Variants in KIAA1671 observed in about 807,000 individuals in gnomAD.
The protein encoded by KIAA1671 is KIAA1671.
In KIAA1671, 52 loss-of-function variants were observed where a neutral mutation model predicts 131.2. That is an observed-to-expected ratio of 0.40 (90% confidence interval 0.32 to 0.50). The LOEUF (loss-of-function observed/expected upper bound fraction) is 0.50. Ranked by LOEUF, KIAA1671 falls within the 20% of genes least tolerant of loss-of-function variation. The probability of loss-of-function intolerance (pLI) is 0.73; values close to 1 mark genes in which losing one functional copy is unlikely to be tolerated. For missense variants in KIAA1671, 2,360 were observed against 2,364.2 expected, an observed-to-expected ratio of 1.00 and a Z score of 0.04; for synonymous variants, 1,003 against 961.6, an observed-to-expected ratio of 1.04 and a Z score of -0.80.
At chr22:25,083,247 C>A (rs764198717) in intron 6 of KIAA1671, among the ~76,000 whole-genome samples, 1 of 152,190 alleles carries the variant, frequency 6.6e-6, no homozygotes, top group African/African-American at 2.4e-5. Context: ...ACACCATCTT[C>A]CCTCTGCGTG....
At chr22:25,041,640 G>T in intron 5 of KIAA1671, 115 bp downstream of exon 5, 2 of 1,110,150 alleles carry the variant, frequency 1.8e-6, no homozygotes, top group Middle Eastern at 2.2e-4. Context: ...GTGGAGTCAG[G>T]CTGGGTATGA....
At position 25,041,386 on chromosome 22, in the gene KIAA1671, G is replaced by A. The variant is rs1301717506; in HGVS notation, c.4256G>A (p.Arg1419Gln). 9 of 1,551,748 alleles carry A rather than the reference G, an allele frequency of 5.8e-6. No homozygotes were observed. Among genetic ancestry groups the A allele is most frequent in the Non-Finnish European group, 7.8e-6 (9 of 1,147,006 alleles). The change falls in exon 5 of 13, where the codon CGA becomes CAA. Residue 1419 changes from arginine (R) to glutamine (Q), a missense_variant. By Grantham distance (43) the Arg-to-Gln change is conservative (BLOSUM62 1). This residue lies in a region of KIAA1671 where 1,161 missense variants were observed against 1,204.7 expected (regional missense o/e 0.96). Transcript: ENST00000358431. ...GAGAAGGGGCCCCCTGCCAACATCCGAGAGGGCCTGTCCATCATGCATGAA... is the reference window on the plus strand; with the variant it reads ...GAGAAGGGGCCCCCTGCCAACATCCAAGAGGGCCTGTCCATCATGCATGAA... ...YSEKGPPANIREGLSIMHEAR... is the reference protein window; with the variant it reads ...YSEKGPPANIQEGLSIMHEAR...
chr22:25,129,584 T>C lies in KIAA1671; in HGVS notation c.4531-41236T>C, dbSNP rs999693383. Reference sequence around the variant, plus strand: ...CACAGCTTTTCCCAGCTTTGCAATCTACCAGCATGTGACTTAAGCAGCTTG... The same window carrying C: ...CACAGCTTTTCCCAGCTTTGCAATCCACCAGCATGTGACTTAAGCAGCTTG... On this transcript the variant is annotated intron_variant, in intron 6 of 12. Coordinates refer to ENST00000358431, the MANE Select transcript of KIAA1671 (RefSeq NM_001145206.2). Among the ~76,000 whole-genome samples the C allele has an allele frequency of 1.4e-4, 22 of 151,742 alleles. 2 individuals carry two copies. The highest frequency in any genetic ancestry group is 2.9e-5 in the Non-Finnish European group (2 of 67,912).
intron 7 of KIAA1671, among the ~76,000 whole-genome samples, chr22:25,173,745 C>G (rs568972535): frequency 7.9e-5 from 12 of 152,302 alleles, no homozygotes; most frequent in African/African-American, 2.6e-4. Context: ...TGTATTTTAT[C>G]AGAACCAAGG....
rs1934442601 is a variant in KIAA1671 at position 25,185,386 on chromosome 22, C to G, written c.5342+267C>G. 7.1e-6 allele frequency: 3 copies of G among 422,990 alleles called. No homozygotes were observed. In the South Asian group the frequency reaches 1.6e-4, roughly 23 times the overall value. 26.2% of individuals were successfully genotyped at this position (422,990 alleles called of 1,614,324 possible). ...ACCTGCTACATGGAACGCCAGGGCA[C>G]CATTGCTGGAGAACTACTGATCTAG... is the stretch of plus-strand genomic sequence containing the variant. On this transcript the variant is annotated intron_variant, in intron 11 of 12. Coordinates refer to ENST00000358431, the MANE Select transcript of KIAA1671 (RefSeq NM_001145206.2).
rs541444993 is a variant in KIAA1671, at chr22:25,036,536, G to A, written c.1630-2224G>A. 2.4e-4 allele frequency among the ~76,000 whole-genome samples: 37 copies of A among 152,254 alleles called. No homozygotes were observed. In the South Asian group the frequency reaches 7.2e-3, roughly 30 times the overall value. ...TATATATATAAATAATACAAAGAGA[G>A]TTCTGAAAGGCTCTTCAAGGATCAT... On this transcript the variant is annotated intron_variant, in intron 4 of 12. Coordinates refer to ENST00000358431, the MANE Select transcript of KIAA1671 (RefSeq NM_001145206.2).
At chr22:25,154,075 A>C (rs1568983428) in intron 6 of KIAA1671, among the ~76,000 whole-genome samples, 1 of 152,212 alleles carries the variant, frequency 6.6e-6, no homozygotes, top group Non-Finnish European at 1.5e-5. Flanking sequence ...CTTCTCAGTC[A>C]GCCAAGTAAG....
chr22:24,994,097 A>T (rs1435625119), intron 1 of KIAA1671, among the ~76,000 whole-genome samples: 1 of 152,164 alleles, frequency 6.6e-6, no homozygotes, highest in Non-Finnish European at 1.5e-5. Flanking sequence ...GAGAAAAAAA[A>T]AAATTCAGCA....
intron 6 of KIAA1671, chr22:25,052,272 T>A (rs1304767667): frequency 2.0e-5 from 3 of 152,322 alleles, no homozygotes; most frequent in Non-Finnish European, 4.4e-5. Flanking sequence ...GCTGCTGTGC[T>A]GCTGCTGTCT....
At position 25,040,303 on chromosome 22, in the gene KIAA1671, T is replaced by C; in HGVS notation, c.3173T>C (p.Ile1058Thr). Residue 1058 changes from isoleucine (I) to threonine (T), a missense_variant, in exon 5 of 13, where the codon ATC becomes ACC. Around this residue, in one of 3 missense-constraint regions of KIAA1671, gnomAD observed 1,161 missense variants for 1,204.7 expected, o/e 0.96. Coordinates refer to ENST00000358431, the MANE Select transcript of KIAA1671 (RefSeq NM_001145206.2). ...AESLLEHSRK[I>T]TPPSSPHSLT... ...AGCTTGCTGGAACATTCTAGAAAAA[T>C]CACTCCACCCTCGTCTCCTCATTCT... is the stretch of plus-strand genomic sequence containing the variant. 1 of 1,551,666 alleles carries C rather than the reference T, an allele frequency of 6.4e-7. No homozygotes were observed. Among genetic ancestry groups the C allele is most frequent in the East Asian group, 2.4e-5 (1 of 40,920 alleles).
At chr22:25,070,258 T>G (rs1928744953) in intron 6 of KIAA1671, 2 of 410,360 alleles carry the variant, frequency 4.9e-6, no homozygotes, top group African/African-American at 4.1e-5. Context: ...GAATGATTTA[T>G]GCCGCCTTGA....
chr22:25,008,694 G>A lies in KIAA1671; in HGVS notation c.-207-16939G>A, dbSNP rs1187462423. Among the ~76,000 whole-genome samples, 5 of 152,196 alleles carry A rather than the reference G, an allele frequency of 3.3e-5. No individual in the cohort carries two copies. The East Asian group carries it at 5.8e-4, about 18-fold the overall frequency. ...GGTTGAATGGGGAGATTCATTTAAC[G>A]TGCTGTCTGGCACAAAATCATTGTT... On this transcript the variant is annotated intron_variant, in intron 1 of 12. Transcript: ENST00000358431.
intron 6 of KIAA1671, among the ~76,000 whole-genome samples, chr22:25,116,403 GTATGTATGTATGTAT>G (rs1381377383): frequency 3.4e-4 from 51 of 148,096 alleles, no homozygotes; most frequent in Non-Finnish European, 6.2e-4. Flanking sequence ...ATGTATGTAT[GTATGTATGTATGTAT>G]GTATGTATGT....
intron 7 of KIAA1671, 102 bp downstream of exon 7, chr22:25,171,040 T>G (rs1276404167): frequency 1.2e-6 from 1 of 857,694 alleles, no homozygotes; most frequent in African/African-American, 1.7e-5. Flanking sequence ...AAACCTCCAG[T>G]CTGTAATTAT....
At chr22:25,038,214 C>G (rs979209773) in intron 4 of KIAA1671, among the ~76,000 whole-genome samples, 2 of 152,044 alleles carry the variant, frequency 1.3e-5, no homozygotes, top group Non-Finnish European at 2.9e-5. Flanking sequence ...TTTGCCCAGG[C>G]TGGTCTTGGA....
At chr22:24,999,448 C>T (rs771322948) in intron 1 of KIAA1671, among the ~76,000 whole-genome samples, 1 of 151,244 alleles carries the variant, frequency 6.6e-6, no homozygotes, top group Non-Finnish European at 1.5e-5. Context: ...TCAGACTGGT[C>T]TCAAACTTCT....
At chr22:25,156,451 G>A (rs542325423) in intron 6 of KIAA1671, among the ~76,000 whole-genome samples, 4 of 151,826 alleles carry the variant, frequency 2.6e-5, no homozygotes, top group Non-Finnish European at 4.4e-5. Context: ...ATGTGTTTGT[G>A]TTTTGTGTAC....
rs1379542103 is a variant in KIAA1671 at position 25,049,265 on chromosome 22, C to T, written c.4431C>T (p.Pro1477=). The part of the protein sequence containing the change: ...LPRDLEKEDA[P]QEKERPLQQV... ...GGGACCTGGAGAAGGAGGATGCCCC[C>T]CAGGAGAAGGAGCGACCGCTCCAGC... Residue 1477 remains proline, a synonymous_variant, in exon 6 of 13, where the codon CCC becomes CCT. Coordinates refer to ENST00000358431, the MANE Select transcript of KIAA1671 (RefSeq NM_001145206.2). The T allele has an allele frequency of 2.6e-6, 4 of 1,551,952 alleles. No homozygotes were observed. In the African/African-American group the frequency reaches 5.5e-5, roughly 21 times the overall value.
In KIAA1671 at chr22:25,181,016, C is replaced by T. The variant is rs1387081682; in HGVS notation, c.5075-683C>T. Among the ~76,000 whole-genome samples, 6 of 152,268 alleles carry T rather than the reference C, an allele frequency of 3.9e-5. No homozygotes were observed. In the East Asian group the frequency reaches 1.2e-3, roughly 29 times the overall value. ...GCTGGGTCTGTGTTTTCTTAGCGTA[C>T]CTCAGTTCCTCGGGTAGCCCAAGGG... On this transcript the variant is annotated intron_variant, in intron 9 of 12. Transcript: ENST00000358431.
Sources: allele counts gnomAD v4.1 joint callset (sites outside exome capture counted in the v4.1 genomes callset), GRCh38; gene constraint gnomAD v4.1.1; regional missense constraint gnomAD v4.1.1; transcripts MANE v1.5; gene names NCBI Gene and HGNC (gene_info 2026-07-23, HGNC 2026-07-21).